The following SESN1 variants were observed in gnomAD, a reference collection of about 807,000 sequenced individuals.
SESN1 encodes the protein sestrin 1.
A neutral mutation model predicts 59.3 loss-of-function variants in SESN1; 30 were observed. That is an observed-to-expected ratio of 0.51 (90% CI 0.38 to 0.69). SESN1 has a LOEUF of 0.69. Among genes scored for constraint, SESN1 ranks in the 30% least tolerant of loss-of-function variants. The pLI, the probability that SESN1 is intolerant of heterozygous loss-of-function variation, is 0.00. For missense variants in SESN1, 566 were observed against 673.0 expected (o/e 0.84, Z 1.76); for synonymous variants, 197 against 219.9 (o/e 0.90, Z 0.92).
chr6:109,054,616 A>T (rs1234058888), intron 1 of SESN1, among the ~76,000 whole-genome samples: 2 of 152,224 alleles, frequency 1.3e-5, no homozygotes, highest in African/African-American at 2.4e-5. Flanking sequence ...CACAAAAAAA[A>T]TAATAGTCTC....
intron 1 of SESN1, among the ~76,000 whole-genome samples, chr6:109,026,059 C>T (rs7766248): frequency 0.1 from 15,193 of 151,066 alleles, 923 homozygotes; most frequent in Middle Eastern, 0.19. Flanking sequence ...ATCTTAAAGT[C>T]CATGAAAGGG....
chr6:109,090,371 G>A (rs1293624892), intron 1 of SESN1, among the ~76,000 whole-genome samples: 1 of 152,092 alleles, frequency 6.6e-6, no homozygotes, highest in Non-Finnish European at 1.5e-5. Context: ...GGGTTAGGGG[G>A]CCAACCCTCC....
Position 108,987,509 on chromosome 6 carries a change from A to T in SESN1, c.*35T>A. The T allele has an allele frequency of 8.3e-7, 1 of 1,203,012 alleles. No homozygotes were observed. Among genetic ancestry groups the T allele is most frequent in the Admixed American group, 1.7e-5 (1 of 58,266 alleles). 74.5% of individuals were successfully genotyped at this position (1,203,012 alleles called of 1,614,324 possible). A position where few individuals can be genotyped will look rare whatever the true frequency, so the allele number is the denominator to read the frequency against. ...TCCCCCTTGTAGACTATATCTGCTG[A>T]TCATTCCAGAATCATCTTTAATGAA... On this transcript the variant is annotated 3_prime_UTR_variant, in exon 10 of 10. Transcript: ENST00000436639.
In SESN1 at chr6:108,987,325, T is replaced by C. The variant is rs1779225425; in HGVS notation, c.*219A>G. On this transcript the variant is annotated 3_prime_UTR_variant, in exon 10 of 10. Coordinates refer to ENST00000436639, the MANE Select transcript of SESN1 (RefSeq NM_014454.3). ...CTGTCAAAAAGCAAAATACTGTGAA[T>C]GGCAGCCTGTCTTCACAGCTCTAAA... The C allele has an allele frequency of 1.1e-5, 5 of 453,212 alleles. No homozygotes were observed. The South Asian group carries it at 2.0e-4, about 18-fold the overall frequency. 28.1% of individuals were successfully genotyped at this position (453,212 alleles called of 1,614,324 possible). A position where few individuals can be genotyped will look rare whatever the true frequency, so the allele number is the denominator to read the frequency against.
At chr6:108,994,140 TAAAAAAAAAAAAA>T (rs764125940) in intron 6 of SESN1, among the ~76,000 whole-genome samples, 3 of 100,266 alleles carry the variant, frequency 3.0e-5, no homozygotes, top group East Asian at 2.7e-4. Flanking sequence ...CCCTGTTTCT[TAAAAAAAAAAAAA>T]AAAAAAAAAA....
intron 1 of SESN1, among the ~76,000 whole-genome samples, chr6:109,037,154 G>A (rs771776768): frequency 6.6e-6 from 1 of 152,108 alleles, no homozygotes; most frequent in Non-Finnish European, 1.5e-5. Context: ...AGAAAAACAA[G>A]TTACCTCACT....
chr6:109,034,056 A>G (rs1780221005), intron 1 of SESN1, among the ~76,000 whole-genome samples: 1 of 152,202 alleles, frequency 6.6e-6, no homozygotes, highest in Non-Finnish European at 1.5e-5. Context: ...ATTACATGAA[A>G]TCATGCACAG....
intron 1 of SESN1, among the ~76,000 whole-genome samples, chr6:109,029,994 C>T (rs567415278): frequency 5.3e-5 from 8 of 152,170 alleles, no homozygotes; most frequent in Admixed American, 2.6e-4. Flanking sequence ...TGAGATATTA[C>T]GGTACCCAAC....
intron 1 of SESN1, among the ~76,000 whole-genome samples, chr6:109,030,231 G>A (rs769007872): frequency 5.9e-5 from 9 of 152,212 alleles, no homozygotes; most frequent in Admixed American, 1.3e-4. Context: ...AGGACCCCCC[G>A]ATCTAAGAAT....
At chr6:109,058,717 C>T (rs1199283563) in intron 1 of SESN1, among the ~76,000 whole-genome samples, 1 of 152,072 alleles carries the variant, frequency 6.6e-6, no homozygotes, top group Non-Finnish European at 1.5e-5. Context: ...GAGATAGAAG[C>T]AATGCAGCCC....
chr6:108,991,330 C>T (rs897924223), intron 7 of SESN1, among the ~76,000 whole-genome samples: 2 of 152,172 alleles, frequency 1.3e-5, no homozygotes, highest in South Asian at 2.1e-4. Context: ...CAGTCTCCAA[C>T]TGCTGGGCTC....
At chr6:109,038,530 C>T (rs916764793) in intron 1 of SESN1, among the ~76,000 whole-genome samples, 2 of 152,110 alleles carry the variant, frequency 1.3e-5, no homozygotes, top group African/African-American at 2.4e-5. Flanking sequence ...GTCTTTAGCA[C>T]CTGAATTACC....
At chr6:109,032,497 A>C (rs1780196310) in intron 1 of SESN1, among the ~76,000 whole-genome samples, 1 of 151,854 alleles carries the variant, frequency 6.6e-6, no homozygotes, top group Non-Finnish European at 1.5e-5. Context: ...GCACACCTGT[A>C]ATCCCAGCTA....
intron 1 of SESN1, among the ~76,000 whole-genome samples, chr6:109,064,232 A>G (rs1780778552): frequency 6.6e-6 from 1 of 151,986 alleles, no homozygotes; most frequent in Non-Finnish European, 1.5e-5. Flanking sequence ...AAATCCTCAA[A>G]CAGCTATACC....
At chr6:108,995,480 CAT>C (rs1279377023) in intron 5 of SESN1, among the ~76,000 whole-genome samples, 6 of 152,214 alleles carry the variant, frequency 3.9e-5, no homozygotes, top group Admixed American at 6.5e-5. Flanking sequence ...CAGTGTCACA[CAT>C]AGAGTAATGG....
chr6:109,072,775 C>T (rs1430975374), intron 1 of SESN1, among the ~76,000 whole-genome samples: 1 of 151,848 alleles, frequency 6.6e-6, no homozygotes, highest in Non-Finnish European at 1.5e-5. Context: ...TTAAAGTAAA[C>T]AGGAATATAA....
chr6:108,993,833 G>A (rs891327638), intron 6 of SESN1, among the ~76,000 whole-genome samples: 1 of 151,972 alleles, frequency 6.6e-6, no homozygotes, highest in Non-Finnish European at 1.5e-5. Flanking sequence ...TTCCACCTCA[G>A]CTTCTTGAGT....
chr6:109,059,003 T>C (rs1562470818), intron 1 of SESN1, among the ~76,000 whole-genome samples: 5 of 152,152 alleles, frequency 3.3e-5, no homozygotes, highest in Admixed American at 3.3e-4. Context: ...AGAGAAAACA[T>C]AATCCAAAAT....
intron 1 of SESN1, among the ~76,000 whole-genome samples, chr6:109,025,074 T>G (rs1370777775): frequency 1.3e-5 from 2 of 151,956 alleles, no homozygotes; most frequent in African/African-American, 4.8e-5. Flanking sequence ...AGGCAAATCC[T>G]AGGACTTGGG....
Sources: gnomAD v4.1 joint callset for allele counts (sites outside exome capture counted in the v4.1 genomes callset) on GRCh38, gnomAD v4.1.1 for gene constraint, MANE v1.5 for transcripts, NCBI Gene and HGNC (gene_info 2026-07-23, HGNC 2026-07-21) for gene names.